Variants in PCDHGB5 observed in about 807,000 individuals in gnomAD.
The protein encoded by PCDHGB5 is protocadherin gamma subfamily B, 5, also known as protocadherin gamma-B5.
Under a neutral mutation model 62.9 loss-of-function variants are expected in PCDHGB5, and 48 were observed. That is an observed-to-expected ratio of 0.76 (90% confidence interval 0.61 to 0.97). The LOEUF is 0.97. Among genes scored for constraint, PCDHGB5 ranks in the 50% least tolerant of loss-of-function variants. The probability of loss-of-function intolerance (pLI) is 0.00; values close to 1 mark genes in which losing one functional copy is unlikely to be tolerated. For missense variants in PCDHGB5, 1,118 were observed against 1,198.6 expected (o/e 0.93, Z 0.99); for synonymous variants, 474 against 511.2 (o/e 0.93, Z 0.98).
At position 141,432,266 on chromosome 5, in the gene PCDHGB5, T is replaced by A. The variant is rs1444077446; in HGVS notation, c.2397+31742T>A. The A allele has an allele frequency of 9.3e-6, 15 of 1,614,096 alleles. No individual in the cohort carries two copies. Among genetic ancestry groups the A allele is most frequent in the Admixed American group, 3.3e-5 (2 of 60,010 alleles). The stretch of plus-strand genomic sequence containing the variant: ...CACCATCCAAGGGGCAAGCCTATCG[T>A]CCTACGTGTCCATCAACTCCGACAC... On this transcript the variant is annotated intron_variant, in intron 1 of 3. Transcript: ENST00000617380. The surrounding 1 kb of genome is among the most constrained non-coding windows in gnomAD (Gnocchi z 6.0).
At chr5:141,478,339 C>A in intron 1 of PCDHGB5, 1 of 1,613,918 alleles carries the variant, frequency 6.2e-7, no homozygotes, top group Admixed American at 1.7e-5. Flanking sequence ...CAGGGCCCTC[C>A]TTGCACGCGG....
At chr5:141,415,023 C>G in intron 1 of PCDHGB5, 1 of 1,613,530 alleles carries the variant, frequency 6.2e-7, no homozygotes, top group Non-Finnish European at 8.5e-7. Context: ...TCAAGGCCAG[C>G]GAGCCGGGAC....
intron 1 of PCDHGB5, chr5:141,403,288 CAG>C: frequency 6.2e-7 from 1 of 1,613,878 alleles, no homozygotes; most frequent in Admixed American, 1.7e-5. Context: ...TGGTTGAAGA[CAG>C]AGTGAAACTG....
chr5:141,426,971 G>A, intron 1 of PCDHGB5: 1 of 456,732 alleles, frequency 2.2e-6, no homozygotes, highest in South Asian at 1.5e-5. Context: ...TTCAAATTGA[G>A]GTCACTGATG....
At chr5:141,406,382 G>C (rs189693155) in intron 1 of PCDHGB5, among the ~76,000 whole-genome samples, 1 of 152,114 alleles carries the variant, frequency 6.6e-6, no homozygotes, top group Non-Finnish European at 1.5e-5. Context: ...TGATAAAAAG[G>C]TAAATGTATT....
At chr5:141,415,504 C>A in intron 1 of PCDHGB5, 2 of 1,614,216 alleles carry the variant, frequency 1.2e-6, no homozygotes, top group Non-Finnish European at 1.7e-6. Context: ...CTTCCCCCAG[C>A]CCAATTATGC....
intron 1 of PCDHGB5, chr5:141,422,851 C>A (rs1459531183): frequency 1.2e-6 from 2 of 1,614,122 alleles, no homozygotes; most frequent in African/African-American, 1.3e-5. Flanking sequence ...CGGGGACCCG[C>A]CCCTCAGCAG....
chr5:141,404,641 G>C, intron 1 of PCDHGB5: 2 of 1,614,178 alleles, frequency 1.2e-6, no homozygotes, highest in Non-Finnish European at 1.7e-6. Context: ...CAGAAATCCT[G>C]TACCCTGCCC....
In PCDHGB5 at chr5:141,476,499, TC is replaced by T; in HGVS notation, c.2398-18307del. 1 of 1,614,110 alleles carries T rather than the reference TC, an allele frequency of 6.2e-7. No individual in the cohort carries two copies. Among genetic ancestry groups the T allele is most frequent in the Non-Finnish European group, 8.5e-7 (1 of 1,180,020 alleles). ...AGCGTGGAAGTGGTGATCCAGGACATCAACGACAACAATCCTGCTTTCCCTA... is the reference window on the plus strand; with the variant it reads ...AGCGTGGAAGTGGTGATCCAGGACATAACGACAACAATCCTGCTTTCCCTA... On this transcript the variant is annotated intron_variant, in intron 1 of 3. Transcript: ENST00000617380. The surrounding 1 kb of genome is among the most constrained non-coding windows in gnomAD (Gnocchi z 7.6).
chr5:141,452,701 G>A (rs2098747163), intron 1 of PCDHGB5, among the ~76,000 whole-genome samples: 1 of 151,838 alleles, frequency 6.6e-6, no homozygotes, highest in Non-Finnish European at 1.5e-5. Context: ...TGTCAAGAAA[G>A]AAAGGAAGGA....
In PCDHGB5 at chr5:141,477,590, C is replaced by T. The variant is rs1465863595; in HGVS notation, c.2398-17217C>T. On this transcript the variant is annotated intron_variant, in intron 1 of 3. Coordinates refer to ENST00000617380, the MANE Select transcript of PCDHGB5 (RefSeq NM_018925.3). This position sits in a 1 kb window ranked among gnomAD's most constrained non-coding sequence, Gnocchi z 4.9. ...CCCCGACGCCCCGCAGAATGCTCGG[C>T]TTTCTTTCTTTCTCTTGGAGCAAGG... The T allele has an allele frequency of 1.2e-6, 2 of 1,614,122 alleles. No individual in the cohort carries two copies. Among genetic ancestry groups the T allele is most frequent in the South Asian group, 2.2e-5 (2 of 91,080 alleles).
At chr5:141,414,557 A>G (rs749209012) in intron 1 of PCDHGB5, 21 of 1,613,786 alleles carry the variant, frequency 1.3e-5, no homozygotes, top group Non-Finnish European at 1.8e-5. Context: ...CAAGTCTCCT[A>G]CTTTACCTAT....
intron 1 of PCDHGB5, chr5:141,408,068 C>G: frequency 7.3e-7 from 1 of 1,367,282 alleles, no homozygotes; most frequent in Non-Finnish European, 9.7e-7. Flanking sequence ...GCTGCGCAGA[C>G]CTTTCCCAGC....
intron 1 of PCDHGB5, chr5:141,415,308 C>G (rs2154545628): frequency 6.2e-7 from 1 of 1,614,236 alleles, no homozygotes; most frequent in Non-Finnish European, 8.5e-7. Context: ...TCCTGGCCTT[C>G]GTCATCGTGC....
rs369942815 is a variant in PCDHGB5, at chr5:141,485,334, T to A, written c.2398-9473T>A. 5.4e-5 allele frequency: 87 copies of A among 1,614,056 alleles called. No individual in the cohort carries two copies. Among genetic ancestry groups the A allele is most frequent in the Non-Finnish European group, 7.0e-5 (83 of 1,180,026 alleles). On this transcript the variant is annotated intron_variant, in intron 1 of 3. Coordinates refer to ENST00000617380, the MANE Select transcript of PCDHGB5 (RefSeq NM_018925.3). The surrounding 1 kb of genome is among the most constrained non-coding windows in gnomAD (Gnocchi z 5.7). Reference sequence around the variant, plus strand: ...GGGAATGTCGCTCAAGATTTCCTGCTGGATACGGACAGTCTGTCAGCTCGC... The same window carrying A: ...GGGAATGTCGCTCAAGATTTCCTGCAGGATACGGACAGTCTGTCAGCTCGC...
intron 1 of PCDHGB5, among the ~76,000 whole-genome samples, chr5:141,475,231 G>A (rs1188161872): frequency 6.6e-6 from 1 of 152,190 alleles, no homozygotes; most frequent in Admixed American, 6.5e-5. Flanking sequence ...AAAGGGAAAC[G>A]ATAGAGAGAG....
At chr5:141,403,267 C>A in intron 1 of PCDHGB5, 1 of 1,613,888 alleles carries the variant, frequency 6.2e-7, no homozygotes, top group Non-Finnish European at 8.5e-7. Context: ...GTCTGGTGAA[C>A]TTTAAAGTCC....
intron 1 of PCDHGB5, among the ~76,000 whole-genome samples, chr5:141,457,698 G>C (rs1008393847): frequency 7.9e-5 from 12 of 152,234 alleles, no homozygotes; most frequent in Admixed American, 5.2e-4. Flanking sequence ...GATTGGCTTT[G>C]ATGAAACACT....
At chr5:141,415,712 T>G (rs2095901969) in intron 1 of PCDHGB5, 3 of 1,326,794 alleles carry the variant, frequency 2.3e-6, no homozygotes, top group Non-Finnish European at 3.1e-6. Context: ...GCTAAAACAC[T>G]GATGAGTAGA....
Sources: gnomAD v4.1 joint callset for allele counts (sites outside exome capture counted in the v4.1 genomes callset) on GRCh38, gnomAD v4.1.1 for gene constraint, Gnocchi (gnomAD v3.1) non-coding constraint, MANE v1.5 for transcripts, NCBI Gene and HGNC (gene_info 2026-07-23, HGNC 2026-07-21) for gene names.